PACRG: variants seen among roughly 807,000 people sequenced by gnomAD.
The protein encoded by PACRG is parkin coregulated gene protein.
PACRG carries 29 observed loss-of-function variants against 29.7 expected under a neutral mutation model. The ratio of observed to expected loss-of-function variants is 0.98; its 90% CI spans 0.73 to 1.33. The LOEUF (loss-of-function observed/expected upper bound fraction) is 1.33. PACRG is among the 40% of genes most tolerant of loss of function. PACRG has a pLI of 0.00. For missense variants in PACRG, 279 were observed against 316.2 expected (o/e 0.88, Z 0.89); for synonymous variants, 116 against 118.7 (o/e 0.98, Z 0.15).
chr6:162,872,106 A>T (rs34613323), intron 2 of PACRG, among the ~76,000 whole-genome samples: 1 of 152,138 alleles, frequency 6.6e-6, no homozygotes, highest in African/African-American at 2.4e-5. Flanking sequence ...CTTATAGATA[A>T]GGAGGCTCAA....
chr6:163,084,714 A>G (rs934250957), intron 3 of PACRG, among the ~76,000 whole-genome samples: 3 of 151,992 alleles, frequency 2.0e-5, no homozygotes, highest in African/African-American at 7.3e-5. Flanking sequence ...CTATGTCCTA[A>G]TAGTTAATAT....
At chr6:163,261,931 C>T (rs1783341637) in intron 4 of PACRG, among the ~76,000 whole-genome samples, 1 of 152,106 alleles carries the variant, frequency 6.6e-6, no homozygotes, top group African/African-American at 2.4e-5. Context: ...TGGAACCAAT[C>T]CCCCAGGAAT....
At chr6:162,941,112 G>T (rs969283078) in intron 2 of PACRG, among the ~76,000 whole-genome samples, 13 of 151,910 alleles carry the variant, frequency 8.6e-5, no homozygotes, top group African/African-American at 3.1e-4. Flanking sequence ...ATCTTCCACC[G>T]GGTGTCCCCA....
chr6:163,011,259 T>C (rs1805585964), intron 2 of PACRG, among the ~76,000 whole-genome samples: 1 of 152,188 alleles, frequency 6.6e-6, no homozygotes, highest in African/African-American at 2.4e-5. Flanking sequence ...GTGCAGGTAG[T>C]GCACTTACAC....
chr6:163,010,125 A>G (rs1448485403), intron 2 of PACRG, among the ~76,000 whole-genome samples: 4 of 152,086 alleles, frequency 2.6e-5, no homozygotes, highest in Non-Finnish European at 5.9e-5. Flanking sequence ...ATGCTACAGT[A>G]CAGGGCCCAT....
intron 1 of PACRG, among the ~76,000 whole-genome samples, chr6:162,732,673 G>A (rs926947712): frequency 1.3e-5 from 2 of 152,294 alleles, no homozygotes; most frequent in African/African-American, 4.8e-5. Flanking sequence ...GGACCAAGTG[G>A]CGATGAACTA....
chr6:163,090,893 C>T (rs1814050380), intron 4 of PACRG, among the ~76,000 whole-genome samples: 1 of 152,162 alleles, frequency 6.6e-6, no homozygotes, highest in Non-Finnish European at 1.5e-5. Context: ...CTAATATTTC[C>T]TCAGTAATCC....
At chr6:163,313,326 T>C (rs1017640616) in intron 4 of PACRG, among the ~76,000 whole-genome samples, 2 of 151,678 alleles carry the variant, frequency 1.3e-5, no homozygotes, top group Non-Finnish European at 2.9e-5. Context: ...TTTCTGAAAA[T>C]TAGTAATATA....
intron 4 of PACRG, among the ~76,000 whole-genome samples, chr6:163,093,719 T>G (rs555093733): frequency 1.3e-5 from 2 of 152,338 alleles, no homozygotes; most frequent in African/African-American, 4.8e-5. Flanking sequence ...ATTTATGTCA[T>G]GAAATATGCA....
At chr6:162,761,413 A>G (rs1782347311) in intron 1 of PACRG, among the ~76,000 whole-genome samples, 1 of 152,206 alleles carries the variant, frequency 6.6e-6, no homozygotes. Flanking sequence ...ATCACGATTT[A>G]TTTGCTTGTC....
intron 4 of PACRG, among the ~76,000 whole-genome samples, chr6:163,179,897 G>A (rs544138805): frequency 1.3e-5 from 2 of 152,064 alleles, no homozygotes; most frequent in South Asian, 2.1e-4. Context: ...CTCCTTGCCC[G>A]AGGCCACACA....
At chr6:163,306,266 C>G (rs1293777429) in intron 4 of PACRG, among the ~76,000 whole-genome samples, 3 of 152,202 alleles carry the variant, frequency 2.0e-5, no homozygotes, top group African/African-American at 7.2e-5. Flanking sequence ...ACTTAACTCT[C>G]TGCTCTTTTT....
At chr6:162,780,204 A>G (rs574372789) in intron 1 of PACRG, among the ~76,000 whole-genome samples, 2 of 152,304 alleles carry the variant, frequency 1.3e-5, no homozygotes, top group South Asian at 2.1e-4. Context: ...CCCAATAGCC[A>G]GAGTGGAAAA....
chr6:162,734,580 A>G (rs576540263), intron 1 of PACRG, among the ~76,000 whole-genome samples: 73 of 152,280 alleles, frequency 4.8e-4, no homozygotes, highest in Non-Finnish European at 8.1e-4. Flanking sequence ...TTATTCTTTC[A>G]TATATAATAG....
At chr6:162,921,947 T>A (rs1289855491) in intron 2 of PACRG, among the ~76,000 whole-genome samples, 1 of 152,160 alleles carries the variant, frequency 6.6e-6, no homozygotes, top group African/African-American at 2.4e-5. Flanking sequence ...CATTGGGTTT[T>A]GATGACGTTG....
At chr6:162,927,204 G>T (rs561535599) in intron 2 of PACRG, among the ~76,000 whole-genome samples, 1 of 152,068 alleles carries the variant, frequency 6.6e-6, no homozygotes, top group African/African-American at 2.4e-5. Flanking sequence ...ACTGTTGGTG[G>T]GAATGTAAAT....
At chr6:162,793,659 A>G (rs193096899) in intron 1 of PACRG, among the ~76,000 whole-genome samples, 2 of 152,346 alleles carry the variant, frequency 1.3e-5, no homozygotes, top group African/African-American at 2.4e-5. Flanking sequence ...TAATTGAACC[A>G]TCATTTGGGT....
At chr6:162,787,582 G>C (rs61322165) in intron 1 of PACRG, among the ~76,000 whole-genome samples, 1,529 of 62,400 alleles carry the variant, frequency 0.025, 81 homozygotes, top group Middle Eastern at 0.067. Context: ...GTGTGTGTGT[G>C]TATATATATA....
At chr6:162,989,548 T>G (rs1803229902) in intron 2 of PACRG, among the ~76,000 whole-genome samples, 1 of 152,142 alleles carries the variant, frequency 6.6e-6, no homozygotes, top group South Asian at 2.1e-4. Flanking sequence ...ACAATGTAAA[T>G]GCTATGCAAA....
Sources: gnomAD v4.1 joint callset for allele counts (sites outside exome capture counted in the v4.1 genomes callset) on GRCh38, gnomAD v4.1.1 for gene constraint, MANE v1.5 for transcripts, NCBI Gene and HGNC (gene_info 2026-07-23, HGNC 2026-07-21) for gene names.